PTPN21: variants seen among roughly 807,000 people sequenced by gnomAD.
PTPN21 encodes protein tyrosine phosphatase non-receptor type 21.
A neutral mutation model predicts 131.8 loss-of-function variants in PTPN21; 77 were observed. That is an observed-to-expected ratio of 0.58 (90% CI 0.49 to 0.71). The LOEUF is 0.71. Among genes scored for constraint, PTPN21 ranks in the 30% least tolerant of loss-of-function variants. PTPN21 has a pLI of 0.00. For synonymous variants in PTPN21, 715 were observed against 621.3 expected (o/e 1.15, Z -2.24); for missense variants, 1,552 against 1,527.1 (o/e 1.02, Z -0.27).
At chr14:88,503,360 G>C (rs1177322068) in intron 6 of PTPN21, among the ~76,000 whole-genome samples, 14 of 152,056 alleles carry the variant, frequency 9.2e-5, no homozygotes, top group Admixed American at 9.2e-4. Context: ...TTTGAGCTTG[G>C]TTTCCCCATC....
chr14:88,533,753 T>C (rs765653932), intron 2 of PTPN21, among the ~76,000 whole-genome samples: 3 of 151,900 alleles, frequency 2.0e-5, no homozygotes, highest in Admixed American at 6.6e-5. Context: ...TGTGGTGGTG[T>C]AGACCCAACT....
At chr14:88,546,422 A>G (rs1369747672) in intron 2 of PTPN21, among the ~76,000 whole-genome samples, 2 of 151,188 alleles carry the variant, frequency 1.3e-5, no homozygotes, top group South Asian at 2.1e-4. Flanking sequence ...ACAAAAATAC[A>G]AAAATTAGCC....
intron 2 of PTPN21, among the ~76,000 whole-genome samples, chr14:88,539,809 T>C (rs1051977086): frequency 6.6e-6 from 1 of 152,164 alleles, no homozygotes; most frequent in Non-Finnish European, 1.5e-5. Context: ...AATAATACAA[T>C]TTTAGACATA....
chr14:88,498,389 AAAT>A (rs1410742983), intron 8 of PTPN21, among the ~76,000 whole-genome samples: 2 of 152,234 alleles, frequency 1.3e-5, no homozygotes, highest in Non-Finnish European at 2.9e-5. Context: ...CATGTATAAT[AAAT>A]GAGGGAAAAG....
At chr14:88,554,420 G>A (rs1396178131) in intron 1 of PTPN21, among the ~76,000 whole-genome samples, 5 of 152,220 alleles carry the variant, frequency 3.3e-5, no homozygotes, top group Non-Finnish European at 5.9e-5. Context: ...CGGCCAGGGC[G>A]TTCGGAATAG....
At chr14:88,525,572 G>A (rs2078462791) in intron 2 of PTPN21, among the ~76,000 whole-genome samples, 1 of 152,158 alleles carries the variant, frequency 6.6e-6, no homozygotes. Context: ...CATTGGTGAG[G>A]AGAAACTGGA....
intron 2 of PTPN21, among the ~76,000 whole-genome samples, chr14:88,518,226 CAA>C (rs1172099704): frequency 7.4e-3 from 81 of 10,952 alleles, no homozygotes; most frequent in African/African-American, 0.019. Context: ...GAATCTACCT[CAA>C]AAAAAAAAAA....
chr14:88,520,757 G>A (rs1338728424), intron 2 of PTPN21, among the ~76,000 whole-genome samples: 1 of 152,168 alleles, frequency 6.6e-6, no homozygotes, highest in Non-Finnish European at 1.5e-5. Flanking sequence ...TTTCTCAAGT[G>A]TAAAATAAAG....
chr14:88,473,916 A>G (rs1289497890), intron 13 of PTPN21, 114 bp from the exon 14 acceptor site: 12 of 886,260 alleles, frequency 1.4e-5, no homozygotes, highest in Admixed American at 2.9e-5. Context: ...TCCTTTGCCA[A>G]TAAACCCAGA....
At chr14:88,482,854 G>A (rs2077672571) in intron 12 of PTPN21, among the ~76,000 whole-genome samples, 1 of 151,460 alleles carries the variant, frequency 6.6e-6, no homozygotes, top group South Asian at 2.1e-4. Flanking sequence ...TTAACAGAGT[G>A]GCAAAGACAG....
chr14:88,478,613 C>T (rs1248037236), intron 13 of PTPN21, among the ~76,000 whole-genome samples: 6 of 152,190 alleles, frequency 3.9e-5, no homozygotes, highest in Non-Finnish European at 5.9e-5. Context: ...TCTTAACTGT[C>T]TTTCCCTTAA....
In PTPN21 at chr14:88,549,765, AT is replaced by A. The variant is rs757588861; in HGVS notation, c.180+472del. On this transcript the variant is annotated intron_variant, in intron 2 of 18. Transcript: ENST00000556564. ...AGGCACCCACCACCACGCCCAGCCA[AT>A]TTTTTTTTTTTTTTGAGCAGGTGTC... Among the ~76,000 whole-genome samples, 375 of 134,410 alleles carry A rather than the reference AT, an allele frequency of 2.8e-3. 1 individual carries two copies. The highest frequency in any genetic ancestry group is 6.5e-3 in the African/African-American group (234 of 36,088). The allele number at this position is 134,410 out of a possible 152,430, so 88.2% of individuals were successfully genotyped here. A position where few individuals can be genotyped will look rare whatever the true frequency, so the allele number is the denominator to read the frequency against.
At chr14:88,544,793 G>A (rs903050424) in intron 2 of PTPN21, among the ~76,000 whole-genome samples, 17 of 152,022 alleles carry the variant, frequency 1.1e-4, no homozygotes, top group African/African-American at 4.1e-4. Context: ...CCTGGAGGCA[G>A]CAATTCTCTG....
chr14:88,487,418 C>T (rs557749546), intron 10 of PTPN21, among the ~76,000 whole-genome samples: 143 of 152,174 alleles, frequency 9.4e-4, no homozygotes, highest in African/African-American at 3.3e-3. Flanking sequence ...TCCATTTAAG[C>T]AAATTTACCA....
rs563486055 is a variant in PTPN21 at position 88,492,865 on chromosome 14, C to T, written c.932+3548G>A. 1.4e-4 allele frequency: 46 copies of T among 332,358 alleles called. 1 individual carries two copies. The highest frequency in any genetic ancestry group is 6.6e-4 in the South Asian group (28 of 42,414). The allele number at this position is 332,358 out of a possible 1,614,324, so 20.6% of individuals were successfully genotyped here. ...CATTGTTCACTAAGCCCTTATGCAC[C>T]GGGCACCTTGCCAGACAGGGGACAC... On this transcript the variant is annotated intron_variant, in intron 10 of 18. Transcript: ENST00000556564.
In PTPN21 at chr14:88,469,621, C is replaced by A; in HGVS notation, c.3113G>T (p.Cys1038Phe). Reference protein sequence around the residue: ...ITTRFRTDSGCYATTGLKMKH... With the variant: ...ITTRFRTDSGFYATTGLKMKH... ...CATCTTCAGGCCTGTGGTGGCATAGCAGCCAGAGTCTGTGCGGAACCGGGT... is the reference window on the plus strand; with the variant it reads ...CATCTTCAGGCCTGTGGTGGCATAGAAGCCAGAGTCTGTGCGGAACCGGGT... Residue 1038 changes from cysteine to phenylalanine, a missense_variant, in exon 17 of 19, where the codon TGC (cysteine) becomes TTC (phenylalanine). Transcript: ENST00000556564. The surrounding 1 kb of genome is among the most constrained non-coding windows in gnomAD (Gnocchi z 4.3). 1 of 1,614,188 alleles carries A rather than the reference C, an allele frequency of 6.2e-7. No individual in the cohort carries two copies. The highest frequency in any genetic ancestry group is 1.1e-5 in the South Asian group (1 of 91,084).
chr14:88,495,311 A>G (rs2077893724), intron 10 of PTPN21, among the ~76,000 whole-genome samples: 1 of 152,230 alleles, frequency 6.6e-6, no homozygotes, highest in Non-Finnish European at 1.5e-5. Flanking sequence ...CACAACTTTC[A>G]GAGTGGTATT....
chr14:88,505,246 T>G, intron 5 of PTPN21, 58 bp downstream of exon 5: 1 of 1,304,038 alleles, frequency 7.7e-7, no homozygotes. Flanking sequence ...CAGGGATTAT[T>G]AAGGGTATAG....
intron 2 of PTPN21, among the ~76,000 whole-genome samples, chr14:88,535,704 T>C (rs1410740975): frequency 6.6e-6 from 1 of 152,182 alleles, no homozygotes; most frequent in Non-Finnish European, 1.5e-5. Context: ...AATATCACTA[T>C]TCAAATAACA....
Sources: allele counts gnomAD v4.1 joint callset (sites outside exome capture counted in the v4.1 genomes callset), GRCh38; gene constraint gnomAD v4.1.1; non-coding constraint Gnocchi (gnomAD v3.1); transcripts MANE v1.5; gene names NCBI Gene and HGNC (gene_info 2026-07-23, HGNC 2026-07-21).